CENPW: variants seen among roughly 807,000 people sequenced by gnomAD.
The protein encoded by CENPW is cancer-up-regulated gene 2 protein.
CENPW carries 3 observed loss-of-function variants against 11.1 expected under a neutral mutation model. The ratio of observed to expected loss-of-function variants is 0.27; its 90% confidence interval spans 0.12 to 0.70. The LOEUF (loss-of-function observed/expected upper bound fraction) is 0.70. Among genes scored for constraint, CENPW ranks in the 30% least tolerant of loss-of-function variants. The probability of loss-of-function intolerance (pLI) is 0.77; values close to 1 mark genes in which losing one functional copy is unlikely to be tolerated. For synonymous variants in CENPW, 38 were observed against 42.0 expected (o/e 0.91, Z 0.37); for missense variants, 100 against 105.6 (o/e 0.95, Z 0.23).
At chr6:126,366,377 G>A in the CENPW span, among the ~76,000 whole-genome samples, 1 of 152,078 alleles carries the variant, frequency 6.6e-6, no homozygotes, top group Non-Finnish European at 1.5e-5. Context: ...AAAATTTGTT[G>A]TAAGTTAAAC....
the CENPW span, among the ~76,000 whole-genome samples, chr6:126,439,453 T>A: frequency 6.6e-6 from 1 of 151,624 alleles, no homozygotes; most frequent in Non-Finnish European, 1.5e-5. Context: ...GCCTGAAAAC[T>A]TTGGCCTATC....
the CENPW span, among the ~76,000 whole-genome samples, chr6:126,450,209 A>G: frequency 2.2e-4 from 34 of 151,118 alleles, no homozygotes; most frequent in Admixed American, 2.2e-3. Flanking sequence ...ATTTTGCTAT[A>G]TCTTCTATGT....
At chr6:126,460,471 CT>C in the CENPW span, among the ~76,000 whole-genome samples, 1 of 151,634 alleles carries the variant, frequency 6.6e-6, no homozygotes. Context: ...AGCATTCTAT[CT>C]TTTTAGCCTC....
At chr6:126,421,532 CT>C in the CENPW span, among the ~76,000 whole-genome samples, 1 of 150,866 alleles carries the variant, frequency 6.6e-6, no homozygotes, top group African/African-American at 2.4e-5. Flanking sequence ...TTTATTAAGA[CT>C]TTTTTTCTGC....
the CENPW span, among the ~76,000 whole-genome samples, chr6:126,354,387 G>T: frequency 6.6e-6 from 1 of 152,046 alleles, no homozygotes. Context: ...TTTGACATGT[G>T]AGAATGCCAA....
the CENPW span, among the ~76,000 whole-genome samples, chr6:126,391,389 G>T: frequency 1.3e-5 from 2 of 151,828 alleles, no homozygotes; most frequent in African/African-American, 4.8e-5. Context: ...CAGATAGGTA[G>T]TTGACAAAGA....
chr6:126,348,420 A>C, intron 2 of CENPW, 46 bp from the exon 3 acceptor site: 1 of 1,028,936 alleles, frequency 9.7e-7, no homozygotes, highest in Non-Finnish European at 1.5e-6. Flanking sequence ...ATGATGTTTT[A>C]TTTTTCATAG....
At chr6:126,470,880 TAATGAGAACATTTACCCAATGCCTGTACC>T in the CENPW span, among the ~76,000 whole-genome samples, 1 of 152,236 alleles carries the variant, frequency 6.6e-6, no homozygotes, top group African/African-American at 2.4e-5. Flanking sequence ...CTCCCATTTG[TAATGAGAACATTTACCCAATGCCTGTACC>T]AGCATTATAT....
chr6:126,391,159 G>A, the CENPW span, among the ~76,000 whole-genome samples: 2 of 151,856 alleles, frequency 1.3e-5, no homozygotes, highest in Admixed American at 1.3e-4. Context: ...TTGGATATAA[G>A]CCATTTTAAT....
chr6:126,372,231 C>A, the CENPW span, among the ~76,000 whole-genome samples: 1 of 151,940 alleles, frequency 6.6e-6, no homozygotes, highest in Admixed American at 6.6e-5. Context: ...ACTGGGTAAC[C>A]AGAGGAAACC....
the CENPW span, among the ~76,000 whole-genome samples, chr6:126,459,605 C>T: frequency 6.6e-6 from 1 of 151,356 alleles, no homozygotes; most frequent in African/African-American, 2.4e-5. Flanking sequence ...TGAGGTAACA[C>T]CAGTTGGGTA....
At chr6:126,413,620 T>C in the CENPW span, among the ~76,000 whole-genome samples, 1 of 151,814 alleles carries the variant, frequency 6.6e-6, no homozygotes, top group Non-Finnish European at 1.5e-5. Context: ...ATATGATAAT[T>C]ACTATCATGA....
chr6:126,393,391 TTTC>T, the CENPW span, among the ~76,000 whole-genome samples: 5 of 151,812 alleles, frequency 3.3e-5, no homozygotes, highest in African/African-American at 1.2e-4. Context: ...TTATTTAGTT[TTTC>T]TTCTTTTTTG....
chr6:126,423,121 T>A, the CENPW span, among the ~76,000 whole-genome samples: 1 of 152,258 alleles, frequency 6.6e-6, no homozygotes, highest in East Asian at 1.9e-4. Flanking sequence ...TGCCCATCAG[T>A]ATTTGAATGA....
the CENPW span, among the ~76,000 whole-genome samples, chr6:126,365,507 A>C: frequency 2.6e-5 from 4 of 152,042 alleles, no homozygotes; most frequent in Non-Finnish European, 5.9e-5. Context: ...AAACAACCAG[A>C]TCTCCTGAGA....
the CENPW span, among the ~76,000 whole-genome samples, chr6:126,383,453 G>C: frequency 6.6e-6 from 1 of 152,014 alleles, no homozygotes; most frequent in Non-Finnish European, 1.5e-5. Context: ...CAGGCTAAAT[G>C]CCCCCACTTG....
the CENPW span, among the ~76,000 whole-genome samples, chr6:126,431,371 T>C: frequency 6.6e-5 from 10 of 152,222 alleles, no homozygotes; most frequent in African/African-American, 1.7e-4. Context: ...GAGCAATGGC[T>C]GAGATTCTCT....
At chr6:126,468,420 C>CAAAAAA in the CENPW span, among the ~76,000 whole-genome samples, 1 of 53,526 alleles carries the variant, frequency 1.9e-5, no homozygotes, top group Non-Finnish European at 3.2e-5. Context: ...AACTCTGTCT[C>CAAAAAA]AAAAAAAAAA....
the CENPW span, among the ~76,000 whole-genome samples, chr6:126,445,908 C>G: frequency 6.6e-6 from 1 of 151,084 alleles, no homozygotes; most frequent in African/African-American, 2.4e-5. Flanking sequence ...AAGCTCAAGA[C>G]CCATTTGGAT....
Sources: gnomAD v4.1 joint callset for allele counts (sites outside exome capture counted in the v4.1 genomes callset) on GRCh38, gnomAD v4.1.1 for gene constraint, MANE v1.5 for transcripts, NCBI Gene and HGNC (gene_info 2026-07-23, HGNC 2026-07-21) for gene names.